The following COA1 variants were observed in gnomAD, a reference collection of about 807,000 sequenced individuals.
COA1 encodes the protein cytochrome c oxidase assembly factor 1.
Under a neutral mutation model 16.0 loss-of-function variants are expected in COA1, and 13 were observed. The observed-to-expected ratio is 0.81, with a 90% CI of 0.53 to 1.29. The LOEUF is 1.29. COA1 is among the 50% of genes most tolerant of loss of function. The pLI is 0.00. For missense variants in COA1, 179 were observed against 177.0 expected, an observed-to-expected ratio of 1.01 and a Z score of -0.06; for synonymous variants, 65 against 65.7, an observed-to-expected ratio of 0.99 and a Z score of 0.05.
intron 1 of COA1, among the ~76,000 whole-genome samples, chr7:43,699,584 A>G (rs542165439): frequency 6.6e-6 from 1 of 152,330 alleles, no homozygotes; most frequent in Admixed American, 6.5e-5. Context: ...TCACGCAGAC[A>G]TGAGAAGCAA....
intron 6 of COA1, among the ~76,000 whole-genome samples, chr7:43,633,957 A>G (rs1347029349): frequency 6.6e-6 from 1 of 152,030 alleles, no homozygotes; most frequent in African/African-American, 2.4e-5. Context: ...AAATTCAGTG[A>G]TTGTTTTCTC....
intron 6 of COA1, among the ~76,000 whole-genome samples, chr7:43,614,656 A>G (rs2083183674): frequency 6.6e-6 from 1 of 152,192 alleles, no homozygotes; most frequent in Admixed American, 6.5e-5. Flanking sequence ...ATTAACTGAA[A>G]TCCCATGAAA....
chr7:43,624,536 A>G, intron 6 of COA1: 1 of 1,612,804 alleles, frequency 6.2e-7, no homozygotes, highest in Non-Finnish European at 8.5e-7. Context: ...CCACTGCTGA[A>G]GAATGTCTAA....
intron 6 of COA1, among the ~76,000 whole-genome samples, chr7:43,611,611 T>C (rs1160394588): frequency 6.6e-6 from 1 of 152,158 alleles, no homozygotes; most frequent in Non-Finnish European, 1.5e-5. Flanking sequence ...TCCACCTTGC[T>C]TCCCTCGGGA....
chr7:43,684,005 G>A (rs992574594), intron 1 of COA1, among the ~76,000 whole-genome samples: 17 of 152,158 alleles, frequency 1.1e-4, no homozygotes, highest in African/African-American at 4.1e-4. Context: ...AATCATTTGA[G>A]GAAATCACTT....
intron 1 of COA1, among the ~76,000 whole-genome samples, chr7:43,676,659 C>T (rs1315401285): frequency 6.6e-6 from 1 of 152,084 alleles, no homozygotes; most frequent in East Asian, 1.9e-4. Flanking sequence ...AAAGAGGATA[C>T]TGAATGTTCC....
chr7:43,659,245 T>C (rs1362803073), intron 1 of COA1: 2 of 152,242 alleles, frequency 1.3e-5, no homozygotes, highest in Non-Finnish European at 2.9e-5. Flanking sequence ...ACAAGGCGCA[T>C]AGCAGAGTGA....
At chr7:43,724,047 C>T (rs1394970388) in intron 1 of COA1, among the ~76,000 whole-genome samples, 1 of 152,190 alleles carries the variant, frequency 6.6e-6, no homozygotes, top group African/African-American at 2.4e-5. Context: ...ATCTCCAAGT[C>T]CTAATACAAA....
chr7:43,717,427 T>C (rs2095416966), intron 1 of COA1, among the ~76,000 whole-genome samples: 1 of 152,248 alleles, frequency 6.6e-6, no homozygotes, highest in Admixed American at 6.5e-5. Context: ...CAGACTTGCA[T>C]GGGCCCTGAA....
chr7:43,725,173 G>C (rs747427018), intron 1 of COA1, among the ~76,000 whole-genome samples: 62 of 152,026 alleles, frequency 4.1e-4, no homozygotes, highest in Non-Finnish European at 7.1e-4. Context: ...GGGAGGTGGG[G>C]GTTGCGGTAA....
At chr7:43,673,370 T>C (rs1173563237) in intron 1 of COA1, among the ~76,000 whole-genome samples, 1 of 152,128 alleles carries the variant, frequency 6.6e-6, no homozygotes, top group African/African-American at 2.4e-5. Flanking sequence ...GACATGTAAG[T>C]GGCCAAGAAG....
intron 1 of COA1, among the ~76,000 whole-genome samples, chr7:43,685,815 G>T (rs1345897156): frequency 1.3e-5 from 2 of 152,182 alleles, no homozygotes; most frequent in Non-Finnish European, 2.9e-5. Flanking sequence ...TAATTGGGTT[G>T]TGAACAAATA....
chr7:43,617,026 G>C (rs2083418010), intron 6 of COA1, among the ~76,000 whole-genome samples: 1 of 152,180 alleles, frequency 6.6e-6, no homozygotes, highest in South Asian at 2.1e-4. Flanking sequence ...AGGCAAAGAA[G>C]AACAGAAAAA....
chr7:43,624,631 A>G (rs539535387), intron 6 of COA1: 2 of 1,614,114 alleles, frequency 1.2e-6, no homozygotes, highest in Non-Finnish European at 1.7e-6. Flanking sequence ...GCCCTCCAAG[A>G]AGGTCATTCT....
intron 4 of COA1, among the ~76,000 whole-genome samples, chr7:43,643,698 C>T (rs1350134750): frequency 6.6e-6 from 1 of 152,202 alleles, no homozygotes; most frequent in African/African-American, 2.4e-5. Context: ...CCAGGCCACA[C>T]CTCTGGTTCA....
At chr7:43,710,071 C>T (rs1327998620) in intron 1 of COA1, among the ~76,000 whole-genome samples, 1 of 151,894 alleles carries the variant, frequency 6.6e-6, no homozygotes, top group African/African-American at 2.4e-5. Context: ...TATGAGTTGC[C>T]AGATGCGGTG....
intron 1 of COA1, among the ~76,000 whole-genome samples, chr7:43,699,833 T>C (rs1452788499): frequency 2.0e-5 from 3 of 152,186 alleles, no homozygotes; most frequent in Admixed American, 2.0e-4. Context: ...TCTTGAGGCA[T>C]GATTAGAGTC....
In COA1 at chr7:43,647,619, G is replaced by A. The variant is rs371021464; in HGVS notation, c.31C>T (p.Arg11Trp). The A allele has an allele frequency of 8.7e-6, 14 of 1,611,994 alleles. No individual in the cohort carries two copies. The highest frequency in any genetic ancestry group is 5.3e-5 in the African/African-American group (4 of 74,852). MMWQKYAGSR[R>W]SMPLGARILF... ...ATCCTTGCTCCCAGAGGCATTGACCGCCTGCTTCCTGCATACTTAAAAACA... is the reference window on the plus strand; with the variant it reads ...ATCCTTGCTCCCAGAGGCATTGACCACCTGCTTCCTGCATACTTAAAAACA... Residue 11 changes from arginine (R) to tryptophan (W), a missense_variant, in exon 3 of 6, where the codon CGG (arginine) becomes TGG (tryptophan). By Grantham distance (101) the Arg-to-Trp change is moderately radical. Transcript: ENST00000223336.
At chr7:43,640,743 A>G in intron 4 of COA1, 94 bp from the exon 5 acceptor site, 4 of 898,100 alleles carry the variant, frequency 4.5e-6, no homozygotes, top group Admixed American at 6.0e-5. Flanking sequence ...AGCTAAGCCT[A>G]TAAAATCCAG....
Sources: allele counts gnomAD v4.1 joint callset (sites outside exome capture counted in the v4.1 genomes callset), GRCh38; gene constraint gnomAD v4.1.1; transcripts MANE v1.5; gene names NCBI Gene and HGNC (gene_info 2026-07-23, HGNC 2026-07-21).